LRRC47: variants seen among roughly 807,000 people sequenced by gnomAD.
The protein encoded by LRRC47 is leucine rich repeat containing 47.
Under a neutral mutation model 40.9 loss-of-function variants are expected in LRRC47, and 31 were observed. The observed-to-expected ratio is 0.76, with a 90% CI of 0.57 to 1.02. LRRC47 has a LOEUF of 1.02. Ranked by LOEUF, LRRC47 falls within the 50% of genes least tolerant of loss-of-function variation. LRRC47 has a pLI of 0.00. For synonymous variants in LRRC47, 427 were observed against 371.9 expected (o/e 1.15, Z -1.70); for missense variants, 726 against 796.1 (o/e 0.91, Z 1.06).
In LRRC47 at chr1:3,787,221, G is replaced by A. The variant is rs1220012954; in HGVS notation, c.705C>T (p.Asn235=). The A allele has an allele frequency of 5.0e-6, 8 of 1,613,814 alleles. No homozygotes were observed. Among genetic ancestry groups the A allele is most frequent in the East Asian group, 2.2e-5 (1 of 44,878 alleles). Residue 235 remains asparagine, a synonymous_variant, in exon 2 of 7, where the codon AAC becomes AAT. Coordinates refer to ENST00000378251, the MANE Select transcript of LRRC47 (RefSeq NM_020710.3). The part of the protein sequence containing the change: ...PKLKEINFRG[N]KLRDKRLEKM... ...TCTCCAGGCGCTTGTCCCTCAGCTT[G>A]TTCCCACGGAAATTGATCTCCTTGA...
rs1213665842 is a variant in LRRC47, at chr1:3,779,323, T to C, written c.*1765A>G. 1 of 152,240 alleles carries C rather than the reference T, an allele frequency of 6.6e-6. No homozygotes were observed. The highest frequency in any genetic ancestry group is 1.5e-5 in the Non-Finnish European group (1 of 68,062). 9.4% of individuals were successfully genotyped at this position (152,240 alleles called of 1,614,324 possible). On this transcript the variant is annotated 3_prime_UTR_variant, in exon 7 of 7. Transcript: ENST00000378251. ...TGCAGATGCTTCCCAAAATCACCAGTCATTTCTACAGACACAGAAATCGAG... is the reference window on the plus strand; with the variant it reads ...TGCAGATGCTTCCCAAAATCACCAGCCATTTCTACAGACACAGAAATCGAG...
chr1:3,792,167 G>A (rs1022924664), intron 1 of LRRC47, among the ~76,000 whole-genome samples: 8 of 152,212 alleles, frequency 5.3e-5, no homozygotes, highest in Admixed American at 5.2e-4. Flanking sequence ...AATGTGCGTA[G>A]CTACATTGCT....
intron 1 of LRRC47, among the ~76,000 whole-genome samples, chr1:3,788,503 T>G (rs149768953): frequency 6.6e-6 from 1 of 152,256 alleles, no homozygotes; most frequent in Non-Finnish European, 1.5e-5. Context: ...TGATAGACTC[T>G]GAACAGAGTT....
intron 6 of LRRC47, 50 bp from the exon 7 acceptor site, chr1:3,781,386 G>A (rs745845279): frequency 3.5e-5 from 56 of 1,592,932 alleles, no homozygotes; most frequent in Non-Finnish European, 4.7e-5. Context: ...GTGACCCAGG[G>A]AAGACATGCT....
intron 5 of LRRC47, among the ~76,000 whole-genome samples, chr1:3,782,359 C>G (rs1455083392): frequency 6.6e-6 from 1 of 152,088 alleles, no homozygotes; most frequent in Non-Finnish European, 1.5e-5. Context: ...GCTGAGACTA[C>G]AGGTATGTGC....
chr1:3,780,420 G>A lies in LRRC47; in HGVS notation c.*668C>T, dbSNP rs1471139445. ...CCGTCACTGACCCAGACGCTGTTAC[G>A]TGGCACATGACTGTACAGTGCCACG... On this transcript the variant is annotated 3_prime_UTR_variant, in exon 7 of 7. Transcript: ENST00000378251. 6.6e-6 allele frequency: 1 copy of A among 152,022 alleles called. No individual in the cohort carries two copies. Among genetic ancestry groups the A allele is most frequent in the Non-Finnish European group, 1.5e-5 (1 of 68,006 alleles). 9.4% of individuals were successfully genotyped at this position (152,022 alleles called of 1,614,324 possible).
rs976438868 is a variant in LRRC47, at chr1:3,790,484, C to T, written c.616-3174G>A. ...CCCTCATTCCCACACGGACACCACA[C>T]GCCTGCGTGATGGCCACTTACAATG... On this transcript the variant is annotated intron_variant, in intron 1 of 6. Transcript: ENST00000378251. Among the ~76,000 whole-genome samples the T allele has an allele frequency of 5.9e-5, 9 of 152,250 alleles. No homozygotes were observed. In the South Asian group the frequency reaches 8.3e-4, roughly 14 times the overall value.
Position 3,796,389 on chromosome 1 carries a change from C to T in LRRC47, c.88G>A (p.Gly30Arg), listed in dbSNP as rs1190103675. 6.6e-7 allele frequency: 1 copy of T among 1,515,718 alleles called. No homozygotes were observed. The highest frequency in any genetic ancestry group is 1.4e-5 in the African/African-American group (1 of 69,806). The allele number at this position is 1,515,718 out of a possible 1,614,324, so 93.9% of individuals were successfully genotyped here. The part of the protein sequence containing the change: ...RRRELLLTGP[G>R]LEERVRAAGG... ...GCCGCCCGCACTCGCTCCTCCAGCC[C>T]GGGCCCCGTCAGCAGCAGCTCCCGC... Residue 30 changes from glycine to arginine, a missense_variant, in exon 1 of 7, where the codon GGG becomes AGG. By Grantham distance (125) the Gly-to-Arg change is moderately radical (BLOSUM62 -2). Coordinates refer to ENST00000378251, the MANE Select transcript of LRRC47 (RefSeq NM_020710.3).
intron 1 of LRRC47, among the ~76,000 whole-genome samples, chr1:3,790,681 G>A (rs1344889523): frequency 6.6e-6 from 1 of 152,220 alleles, no homozygotes; most frequent in East Asian, 1.9e-4. Context: ...AGGCTCCCAC[G>A]CAGGCAGAGC....
chr1:3,795,790 C>T, intron 1 of LRRC47, 72 bp downstream of exon 1: 1 of 1,434,074 alleles, frequency 7.0e-7, no homozygotes, highest in African/African-American at 1.5e-5. Context: ...AACTGCTCGG[C>T]CCCGAGAGGG....
At chr1:3,786,795 T>C (rs575476796) in intron 2 of LRRC47, 54 bp downstream of exon 2, 96 of 1,473,766 alleles carry the variant, frequency 6.5e-5, no homozygotes, top group Admixed American at 8.4e-5. Context: ...TGTCCCAGCT[T>C]GCGGCGTCTC....
intron 3 of LRRC47, 33 bp from the exon 4 acceptor site, chr1:3,784,144 G>T: frequency 6.4e-7 from 1 of 1,560,116 alleles, no homozygotes. Context: ...CTCCACTAGG[G>T]TCACAGCCAC....
rs1399105224 is a variant in LRRC47 at position 3,796,419 on chromosome 1, G to C, written c.58C>G (p.Arg20Gly). The C allele has an allele frequency of 6.6e-7, 1 of 1,517,702 alleles. No individual in the cohort carries two copies. The highest frequency in any genetic ancestry group is 8.8e-7 in the Non-Finnish European group (1 of 1,140,566). The allele number at this position is 1,517,702 out of a possible 1,614,324, so 94.0% of individuals were successfully genotyped here. ...WPELELAERE[R>G]RRELLLTGPG... is the part of the protein sequence containing the mutation. ...CCCGTCAGCAGCAGCTCCCGCCGCC[G>C]CTCGCGCTCAGCCAGCTCCAGCTCC... The change falls in exon 1 of 7, where the codon CGG becomes GGG. Residue 20 changes from arginine (R) to glycine (G), a missense_variant. Transcript: ENST00000378251.
At chr1:3,781,432 G>A in intron 6 of LRRC47, 80 bp downstream of exon 6, 1 of 1,572,404 alleles carries the variant, frequency 6.4e-7, no homozygotes, top group Non-Finnish European at 8.7e-7. Context: ...AAAGAGGCAA[G>A]CAGGACGGGT....
At chr1:3,786,770 G>T in intron 2 of LRRC47, 79 bp downstream of exon 2, 1 of 1,343,118 alleles carries the variant, frequency 7.4e-7, no homozygotes, top group Non-Finnish European at 1.0e-6. Flanking sequence ...CTTCGGACAC[G>T]CTGGCCTCAG....
intron 2 of LRRC47, chr1:3,785,667 G>A (rs571589104): frequency 6.6e-6 from 1 of 152,418 alleles, no homozygotes; most frequent in East Asian, 1.9e-4. Flanking sequence ...TGGGCACAGA[G>A]GTGCTTTATA....
Position 3,796,179 on chromosome 1 carries a change from C to G in LRRC47, c.298G>C (p.Ala100Pro). ...CCCGACAGGTCGAGCACCCGAAGGG[C>G]AGGCAGCGGCCCGAGCTCGGGGCTC... Reference protein sequence around the residue: ...GLSPELGPLPALRVLDLSGNA... With the variant: ...GLSPELGPLPPLRVLDLSGNA... The change falls in exon 1 of 7, where the codon GCC (alanine) becomes CCC (proline). Residue 100 changes from alanine to proline, a missense_variant. By Grantham distance (27) the Ala-to-Pro change is conservative. Transcript: ENST00000378251. The G allele has an allele frequency of 6.9e-7, 1 of 1,440,068 alleles. No individual in the cohort carries two copies. The highest frequency in any genetic ancestry group is 9.1e-7 in the Non-Finnish European group (1 of 1,102,998). 89.2% of individuals were successfully genotyped at this position (1,440,068 alleles called of 1,614,324 possible). A position where few individuals can be genotyped will look rare whatever the true frequency, so the allele number is the denominator to read the frequency against.
chr1:3,788,119 G>A (rs1004437924), intron 1 of LRRC47, among the ~76,000 whole-genome samples: 19 of 152,260 alleles, frequency 1.2e-4, no homozygotes, highest in Admixed American at 5.2e-4. Flanking sequence ...TCTGGGCAGC[G>A]CAGGGAACGT....
At chr1:3,794,521 AT>A (rs1643655911) in intron 1 of LRRC47, among the ~76,000 whole-genome samples, 1 of 151,642 alleles carries the variant, frequency 6.6e-6, no homozygotes, top group South Asian at 2.1e-4. Flanking sequence ...TAATTTTTGT[AT>A]TTTTGTAGAG....
Sources: gnomAD v4.1 joint callset for allele counts (sites outside exome capture counted in the v4.1 genomes callset) on GRCh38, gnomAD v4.1.1 for gene constraint, MANE v1.5 for transcripts, NCBI Gene and HGNC (gene_info 2026-07-23, HGNC 2026-07-21) for gene names.